PRPF8: variants seen among roughly 807,000 people sequenced by gnomAD.
PRPF8 encodes pre-mRNA processing factor 8.
Under a neutral mutation model 285.9 loss-of-function variants are expected in PRPF8, and 64 were observed. That is an observed-to-expected ratio of 0.22 (90% CI 0.18 to 0.28). The LOEUF (loss-of-function observed/expected upper bound fraction) is 0.28. Among genes scored for constraint, PRPF8 ranks in the 10% least tolerant of loss-of-function variants. PRPF8 has a pLI of 1.00. For synonymous variants in PRPF8, 1,325 were observed against 1,118.2 expected, an observed-to-expected ratio of 1.18 and a Z score of -3.69; for missense variants, 1,426 against 3,026.7, an observed-to-expected ratio of 0.47 and a Z score of 12.41.
chr17:1,666,870 G>A (rs1363366656), intron 24 of PRPF8, among the ~76,000 whole-genome samples: 1 of 151,910 alleles, frequency 6.6e-6, no homozygotes, highest in Non-Finnish European at 1.5e-5. Context: ...GAGACAACCA[G>A]GCAGATCTAC....
intron 24 of PRPF8, among the ~76,000 whole-genome samples, chr17:1,663,710 C>CAAAAAAAA (rs58454297): frequency 1.8e-4 from 3 of 17,112 alleles, no homozygotes; most frequent in Non-Finnish European, 2.4e-4. Context: ...GACTCCATCT[C>CAAAAAAAA]AAAAAAAAAA....
chr17:1,663,029 G>T (rs1187191072), intron 24 of PRPF8, among the ~76,000 whole-genome samples: 1 of 151,952 alleles, frequency 6.6e-6, no homozygotes, highest in Non-Finnish European at 1.5e-5. Flanking sequence ...TATAATACAT[G>T]TACAATTAAA....
chr17:1,662,612 T>C lies in PRPF8; in HGVS notation c.3775-459A>G, dbSNP rs140258769. On this transcript the variant is annotated intron_variant, in intron 24 of 42. Coordinates refer to ENST00000304992, the MANE Select transcript of PRPF8 (RefSeq NM_006445.4). ...TCAGGGGAAAAAAAAAAAAAAATGG[T>C]TCCCCTGGGCCAGGTGTGGTGGCTC... Among the ~76,000 whole-genome samples, 15 of 139,206 alleles carry C rather than the reference T, an allele frequency of 1.1e-4. No individual in the cohort carries two copies. The East Asian group carries it at 3.2e-3, about 29-fold the overall frequency. The allele number at this position is 139,206 out of a possible 152,430, so 91.3% of individuals were successfully genotyped here.
chr17:1,661,506 T>C lies in PRPF8; in HGVS notation c.4203-100A>G. ...TAATTAGGGTCAGTAGAACCAGCCT[T>C]CTCACCTCCATACAACCATGGCATG... On this transcript the variant is annotated intron_variant, in intron 26 of 42. Coordinates refer to ENST00000304992, the MANE Select transcript of PRPF8 (RefSeq NM_006445.4). The surrounding 1 kb of genome is among the most constrained non-coding windows in gnomAD (Gnocchi z 7.3). The C allele has an allele frequency of 6.2e-7, 1 of 1,608,518 alleles. No homozygotes were observed. Among genetic ancestry groups the C allele is most frequent in the South Asian group, 1.1e-5 (1 of 90,944 alleles).
In PRPF8 at chr17:1,679,743, C is replaced by T; in HGVS notation, c.1155G>A (p.Glu385=). Residue 385 remains glutamate (E), a synonymous_variant, in exon 9 of 43, where the codon GAG becomes GAA. Transcript: ENST00000304992. The surrounding 1 kb of genome is among the most constrained non-coding windows in gnomAD (Gnocchi z 4.7). ...AGAGGGGTGTGTCCTTCAGGAAGGG[C>T]TCCACAAACTCCGGGAGCTCAAATT... ...DEEFELPEFV[E]PFLKDTPLYT... 6 of 1,614,164 alleles carry T rather than the reference C, an allele frequency of 3.7e-6. No individual in the cohort carries two copies. Among genetic ancestry groups the T allele is most frequent in the Non-Finnish European group, 4.2e-6 (5 of 1,180,044 alleles).
chr17:1,665,760 C>A (rs1567682422), intron 24 of PRPF8, among the ~76,000 whole-genome samples: 1 of 147,992 alleles, frequency 6.8e-6, no homozygotes, highest in South Asian at 2.2e-4. Flanking sequence ...GCAGGAGAAT[C>A]GCTTGAACTC....
Position 1,650,727 on chromosome 17 carries a change from G to A in PRPF8, c.*75C>T, listed in dbSNP as rs905785133. On this transcript the variant is annotated 3_prime_UTR_variant, in exon 43 of 43. Coordinates refer to ENST00000304992, the MANE Select transcript of PRPF8 (RefSeq NM_006445.4). ...CAGACAGAGGGAAAGAGGCCAAACT[G>A]CTGAATGTCAGCGGCCTGTCTGGAG... The A allele has an allele frequency of 4.5e-6, 7 of 1,567,434 alleles. No individual in the cohort carries two copies. Among genetic ancestry groups the A allele is most frequent in the Non-Finnish European group, 6.1e-6 (7 of 1,139,584 alleles).
chr17:1,655,825 A>G (rs1911348982), intron 36 of PRPF8, among the ~76,000 whole-genome samples: 1 of 148,882 alleles, frequency 6.7e-6, no homozygotes, highest in Non-Finnish European at 1.5e-5. Context: ...ATGGGGTTTC[A>G]CTGTGTTAGC....
rs537615047 is a variant in PRPF8 at position 1,663,080 on chromosome 17, T to TAA, written c.3775-929_3775-928dup. Among the ~76,000 whole-genome samples the TAA allele has an allele frequency of 9.4e-4, 143 of 152,140 alleles. 1 individual carries two copies. Among genetic ancestry groups the TAA allele is most frequent in the Non-Finnish European group, 1.8e-3 (120 of 68,024 alleles). ...TACTACTAAGAGTGGGAGTGGAACT[T>TAA]AAAGTGTATTATTCTAAGGTTCTTG... On this transcript the variant is annotated intron_variant, in intron 24 of 42. Coordinates refer to ENST00000304992, the MANE Select transcript of PRPF8 (RefSeq NM_006445.4).
intron 34 of PRPF8, among the ~76,000 whole-genome samples, chr17:1,657,969 T>TAA (rs58695090): frequency 2.4e-4 from 23 of 94,006 alleles, no homozygotes; most frequent in Admixed American, 6.5e-4. Flanking sequence ...AGACTCCGGC[T>TAA]AAAAAAAAAA....
rs777765806 is a variant in PRPF8 at position 1,651,165 on chromosome 17, G to A, written c.6796C>T (p.Arg2266Cys). ...GGGACCATGAAGAAGCCAAGGAAAC[G>A]GTCCGACAGCAGCATCTGCACCCTC... ...YERVQMLLSDRFLGFFMVPAQ... is the reference protein window; with the variant it reads ...YERVQMLLSDCFLGFFMVPAQ... The change falls in exon 42 of 43, where the codon CGT (arginine) becomes TGT (cysteine). Residue 2266 changes from arginine to cysteine, a missense_variant. Physicochemically the swap from Arg to Cys is radical, Grantham distance 180. This residue lies in a region of PRPF8 where 160 missense variants were observed against 373.7 expected (regional missense o/e 0.43). Transcript: ENST00000304992. This position sits in a 1 kb window ranked among gnomAD's most constrained non-coding sequence, Gnocchi z 5.1. 2 of 1,614,164 alleles carry A rather than the reference G, an allele frequency of 1.2e-6. No homozygotes were observed. Among genetic ancestry groups the A allele is most frequent in the African/African-American group, 1.3e-5 (1 of 75,034 alleles).
rs771036042 is a variant in PRPF8 at position 1,653,851 on chromosome 17, G to T, written c.6153C>A (p.Gly2051=). The stretch of plus-strand genomic sequence containing the variant: ...TGGTGGTGGAGGTGATGATCTCATC[G>T]CCATGCTTGTTGACAGTGCGAGTCT... ...ATQTRTVNKH[G]DEIITSTTSN... Residue 2051 remains glycine (G), a synonymous_variant, in exon 38 of 43, where the codon GGC becomes GGA. Transcript: ENST00000304992. This position sits in a 1 kb window ranked among gnomAD's most constrained non-coding sequence, Gnocchi z 4.9. The T allele has an allele frequency of 3.7e-6, 6 of 1,614,090 alleles. No homozygotes were observed. Among genetic ancestry groups the T allele is most frequent in the Middle Eastern group, 1.6e-4 (1 of 6,062 alleles).
chr17:1,683,235 T>C, intron 3 of PRPF8: 1 of 414,848 alleles, frequency 2.4e-6, no homozygotes, highest in Non-Finnish European at 4.5e-6. Context: ...GACCTCATGA[T>C]CCACCCGCCT....
In PRPF8 at chr17:1,673,992, C is replaced by T; in HGVS notation, c.3300-100G>A. The T allele has an allele frequency of 7.9e-7, 1 of 1,265,434 alleles. No homozygotes were observed. The allele number at this position is 1,265,434 out of a possible 1,614,324, so 78.4% of individuals were successfully genotyped here. A position where few individuals can be genotyped will look rare whatever the true frequency, so the allele number is the denominator to read the frequency against. ...TAGACGGAGACCCCACCCCATCCTA[C>T]CCCCACCCTCCCCGGGCTTCATTCC... On this transcript the variant is annotated intron_variant, in intron 21 of 42. Coordinates refer to ENST00000304992, the MANE Select transcript of PRPF8 (RefSeq NM_006445.4). This position sits in a 1 kb window ranked among gnomAD's most constrained non-coding sequence, Gnocchi z 5.5.
Position 1,658,907 on chromosome 17 carries a change from G to C in PRPF8, c.5139-144C>G, listed in dbSNP as rs1412667733. Reference sequence around the variant, plus strand: ...ATGTGTACATACAGGCTGGAGAAGAGAATCAGTGACCCATAGGAGGAATGG... The same window carrying C: ...ATGTGTACATACAGGCTGGAGAAGACAATCAGTGACCCATAGGAGGAATGG... On this transcript the variant is annotated intron_variant, in intron 32 of 42. Coordinates refer to ENST00000304992, the MANE Select transcript of PRPF8 (RefSeq NM_006445.4). This position sits in a 1 kb window ranked among gnomAD's most constrained non-coding sequence, Gnocchi z 4.1. 2.6e-6 allele frequency: 2 copies of C among 778,672 alleles called. No individual in the cohort carries two copies. Among genetic ancestry groups the C allele is most frequent in the East Asian group, 2.6e-5 (1 of 37,788 alleles). The allele number at this position is 778,672 out of a possible 1,614,324, so 48.2% of individuals were successfully genotyped here. A position where few individuals can be genotyped will look rare whatever the true frequency, so the allele number is the denominator to read the frequency against.
intron 24 of PRPF8, among the ~76,000 whole-genome samples, chr17:1,666,815 C>G (rs1162463060): frequency 1.3e-5 from 2 of 152,042 alleles, no homozygotes; most frequent in African/African-American, 4.8e-5. Context: ...ACAGCTCAAA[C>G]CCTACTATGA....
Position 1,679,329 on chromosome 17 carries a change from A to G in PRPF8, c.1371T>C (p.Asn457=). The G allele has an allele frequency of 1.2e-6, 2 of 1,614,148 alleles. No individual in the cohort carries two copies. Among genetic ancestry groups the G allele is most frequent in the Non-Finnish European group, 1.7e-6 (2 of 1,180,030 alleles). The change falls in exon 10 of 43, where the codon AAT becomes AAC. Residue 457 remains asparagine, a synonymous_variant. Transcript: ENST00000304992. This position sits in a 1 kb window ranked among gnomAD's most constrained non-coding sequence, Gnocchi z 4.7. The part of the protein sequence containing the change: ...YQKLLKYYVL[N]ALKHRPPKAQ... ...CCTTAGGGGGCCGATGCTTCAGGGCATTCAGCACATAGTACTTAAGCAGCT... is the reference window on the plus strand; with the variant it reads ...CCTTAGGGGGCCGATGCTTCAGGGCGTTCAGCACATAGTACTTAAGCAGCT...
chr17:1,655,647 GAC>G (rs1158180457), intron 36 of PRPF8, 104 bp from the exon 37 acceptor site: 21 of 1,044,288 alleles, frequency 2.0e-5, no homozygotes, highest in Non-Finnish European at 2.9e-5. Flanking sequence ...TTTCTTTTGA[GAC>G]AGAGTCTTGC....
At chr17:1,678,981 G>A in intron 11 of PRPF8, 36 bp downstream of exon 11, 1 of 1,613,802 alleles carries the variant, frequency 6.2e-7, no homozygotes, top group African/African-American at 1.3e-5. Flanking sequence ...GTCCGTCCTT[G>A]AAGCCCAGGA....
Sources: gnomAD v4.1 joint callset for allele counts (sites outside exome capture counted in the v4.1 genomes callset) on GRCh38, gnomAD v4.1.1 for gene constraint, gnomAD v4.1.1 regional missense constraint, Gnocchi (gnomAD v3.1) non-coding constraint, MANE v1.5 for transcripts, NCBI Gene and HGNC (gene_info 2026-07-23, HGNC 2026-07-21) for gene names.